Variants in TMPRSS6 observed in about 807,000 individuals in gnomAD.
TMPRSS6 encodes transmembrane protease serine 6.
Under a neutral mutation model 101.5 loss-of-function variants are expected in TMPRSS6, and 67 were observed. The ratio of observed to expected loss-of-function variants is 0.66; its 90% CI spans 0.54 to 0.81. The LOEUF (loss-of-function observed/expected upper bound fraction) is 0.81, where lower values mean the gene tolerates loss of function less well. Ranked by LOEUF, TMPRSS6 falls within the 30% of genes least tolerant of loss-of-function variation. TMPRSS6 has a pLI of 0.00. For missense variants in TMPRSS6, 1,034 were observed against 1,088.7 expected (o/e 0.95, Z 0.71); for synonymous variants, 453 against 464.9 (o/e 0.97, Z 0.33).
chr22:37,099,171 A>C (rs2070717345), intron 2 of TMPRSS6, among the ~76,000 whole-genome samples: 1 of 152,218 alleles, frequency 6.6e-6, no homozygotes, highest in Non-Finnish European at 1.5e-5. Context: ...GTGACCCTCC[A>C]GCTGAGATGT....
At chr22:37,084,503 G>A in intron 9 of TMPRSS6, 99 bp from the exon 10 acceptor site, 2 of 968,512 alleles carry the variant, frequency 2.1e-6, no homozygotes, top group Non-Finnish European at 3.2e-6. Context: ...CAGAATCCCA[G>A]GTGGGGCTAA....
chr22:37,095,160 C>G (rs1481727043), intron 6 of TMPRSS6, among the ~76,000 whole-genome samples: 1 of 152,114 alleles, frequency 6.6e-6, no homozygotes, highest in Admixed American at 6.6e-5. Flanking sequence ...AGTTTTAAAA[C>G]CAACGTGACT....
Position 37,103,522 on chromosome 22 carries a change from G to A in TMPRSS6, c.-1-104C>T. ...AAGCAGGACTTCCCTGCCTTTTGGA[G>A]TGGAAGAGTAACAACATCAGGCGGC... On this transcript the variant is annotated intron_variant, in intron 1 of 17. Coordinates refer to ENST00000676104, the MANE Select transcript of TMPRSS6 (RefSeq NM_001374504.1). This position sits in a 1 kb window ranked among gnomAD's most constrained non-coding sequence, Gnocchi z 4.4. The A allele has an allele frequency of 1.2e-6, 2 of 1,614,154 alleles. No homozygotes were observed. The highest frequency in any genetic ancestry group is 1.6e-4 in the Middle Eastern group (1 of 6,062).
chr22:37,072,480 T>TGGAG (rs1568999360), intron 13 of TMPRSS6, among the ~76,000 whole-genome samples: 5 of 88,204 alleles, frequency 5.7e-5, no homozygotes, highest in African/African-American at 9.4e-5. Context: ...GATGGATGGA[T>TGGAG]GGATGATGGA....
intron 16 of TMPRSS6, 124 bp downstream of exon 16, chr22:37,068,949 A>T: frequency 4.8e-6 from 7 of 1,447,358 alleles, no homozygotes; most frequent in Non-Finnish European, 6.4e-6. Context: ...TTTGAATCCC[A>T]GCACTAGAGG....
Position 37,069,093 on chromosome 22 carries a change from C to A in TMPRSS6, c.2093G>T (p.Trp698Leu). ...EPGLHCWITG[W>L]GALREGGPIS... is the part of the protein sequence containing the mutation. ...CTCACCGCCCTCGCGCAAGGCGCCC[C>A]AGCCCGTAATCCAGCAGTGCAGGCC... The change falls in exon 16 of 18, where the codon TGG (tryptophan) becomes TTG (leucine). Residue 698 changes from tryptophan to leucine, a missense_variant. Coordinates refer to ENST00000676104, the MANE Select transcript of TMPRSS6 (RefSeq NM_001374504.1). This position sits in a 1 kb window ranked among gnomAD's most constrained non-coding sequence, Gnocchi z 4.8. 1 of 1,548,068 alleles carries A rather than the reference C, an allele frequency of 6.5e-7. No homozygotes were observed.
In TMPRSS6 at chr22:37,095,924, C is replaced by G. The variant is rs377600983; in HGVS notation, c.571G>C (p.Glu191Gln). Reference sequence around the variant, plus strand: ...TACTGACCCAGGATCACTAGGCCCTCGGGGTCCACTTCGTACTCGGCCCTG... The same window carrying G: ...TACTGACCCAGGATCACTAGGCCCTGGGGGTCCACTTCGTACTCGGCCCTG... ...PYRAEYEVDP[E>Q]GLVILEASVK... is the part of the protein sequence containing the mutation. The change falls in exon 5 of 18, where the codon GAG (glutamate) becomes CAG (glutamine). Residue 191 changes from glutamate (E) to glutamine (Q), a missense_variant. Physicochemically the swap from Glu to Gln is conservative, Grantham distance 29. Coordinates refer to ENST00000676104, the MANE Select transcript of TMPRSS6 (RefSeq NM_001374504.1). 26 of 1,614,006 alleles carry G rather than the reference C, an allele frequency of 1.6e-5. No individual in the cohort carries two copies. The East Asian group carries it at 2.7e-4, about 17-fold the overall frequency.
rs137863658 is a variant in TMPRSS6 at position 37,074,520 on chromosome 22, A to C, written c.1441+90T>G. On this transcript the variant is annotated intron_variant, in intron 12 of 17. Transcript: ENST00000676104. The stretch of plus-strand genomic sequence containing the variant: ...GCTCATAATGGAAGCTGCATGTAGA[A>C]GTGGGGTCTCCACTCAGCTCAGAGC... 3.1e-5 allele frequency: 38 copies of C among 1,213,950 alleles called. No homozygotes were observed. In the African/African-American group the frequency reaches 4.5e-4, roughly 14 times the overall value. 75.2% of individuals were successfully genotyped at this position (1,213,950 alleles called of 1,614,324 possible). A position where few individuals can be genotyped will look rare whatever the true frequency, so the allele number is the denominator to read the frequency against.
At chr22:37,072,818 T>TGGAG (rs1927223758) in intron 13 of TMPRSS6, among the ~76,000 whole-genome samples, 1 of 127,340 alleles carries the variant, frequency 7.9e-6, no homozygotes, top group African/African-American at 3.2e-5. Flanking sequence ...GGATGGATGA[T>TGGAG]GGATGGATGG....
At position 37,069,366 on chromosome 22, in the gene TMPRSS6, TGG is replaced by T; in HGVS notation, c.1842-24_1842-23del. The stretch of plus-strand genomic sequence containing the variant: ...CATGCTGGGGTGGGGTGGGGTGGGG[TGG>T]GGTGGGGTGAGGTGAGGTGGGAGGA... On this transcript the variant is annotated intron_variant, in intron 15 of 17. Transcript: ENST00000676104. The surrounding 1 kb of genome is among the most constrained non-coding windows in gnomAD (Gnocchi z 4.8). 3.9e-5 allele frequency: 4 copies of T among 101,348 alleles called. No homozygotes were observed. Among genetic ancestry groups the T allele is most frequent in the South Asian group, 7.2e-5 (1 of 13,970 alleles). 6.3% of individuals were successfully genotyped at this position (101,348 alleles called of 1,614,324 possible). A position where few individuals can be genotyped will look rare whatever the true frequency, so the allele number is the denominator to read the frequency against.
chr22:37,099,582 G>A (rs1452514342), intron 2 of TMPRSS6, among the ~76,000 whole-genome samples: 2 of 152,176 alleles, frequency 1.3e-5, no homozygotes, highest in Non-Finnish European at 2.9e-5. Flanking sequence ...GGGACTATAT[G>A]AGCAAAACAA....
intron 10 of TMPRSS6, chr22:37,082,665 G>A (rs2146097581): frequency 3.2e-6 from 1 of 311,436 alleles, no homozygotes. Flanking sequence ...AGACAGCACA[G>A]GCCTGACATC....
chr22:37,086,413 G>A lies in TMPRSS6; in HGVS notation c.843C>T (p.Tyr281=), dbSNP rs529404608. The A allele has an allele frequency of 1.1e-4, 167 of 1,583,454 alleles. No homozygotes were observed. The highest frequency in any genetic ancestry group is 6.7e-4 in the Middle Eastern group (4 of 6,012). ...CCACGGGCTCCTGGCGGCTGCAGCC[G>A]TACACCCTGGCAGAACAGAAAGGTG... is the stretch of plus-strand genomic sequence containing the variant. ...PLEKRLITSV[Y]GCSRQEPVVE... The change falls in exon 8 of 18, where the codon TAC becomes TAT. Residue 281 remains tyrosine (Y), a synonymous_variant. Coordinates refer to ENST00000676104, the MANE Select transcript of TMPRSS6 (RefSeq NM_001374504.1).
At chr22:37,084,469 C>G in intron 9 of TMPRSS6, 65 bp from the exon 10 acceptor site, 1 of 1,179,404 alleles carries the variant, frequency 8.5e-7, no homozygotes, top group Non-Finnish European at 1.2e-6. Flanking sequence ...AACCCACCTC[C>G]CTAACAACAA....
At position 37,084,326 on chromosome 22, in the gene TMPRSS6, T is replaced by C. The variant is rs1928508368; in HGVS notation, c.1165A>G (p.Thr389Ala). 1 of 1,613,522 alleles carries C rather than the reference T, an allele frequency of 6.2e-7. No homozygotes were observed. Among genetic ancestry groups the C allele is most frequent in the African/African-American group, 1.3e-5 (1 of 74,840 alleles). ...LRRQKYDLPC[T>A]QGQWTIQNRR... ...TTCTGGATCGTCCACTGGCCCTGGG[T>C]GCACGGCAAATCATACTTCTGCCTC... Residue 389 changes from threonine (T) to alanine (A), a missense_variant, in exon 10 of 18, where the codon ACC (threonine) becomes GCC (alanine). Transcript: ENST00000676104.
intron 10 of TMPRSS6, among the ~76,000 whole-genome samples, chr22:37,078,541 C>G (rs1259539522): frequency 6.6e-6 from 1 of 152,136 alleles, no homozygotes; most frequent in Non-Finnish European, 1.5e-5. Flanking sequence ...GAGAGGAATT[C>G]AAGGCAGCGG....
intron 4 of TMPRSS6, 101 bp downstream of exon 4, chr22:37,096,546 AT>A: frequency 6.0e-6 from 8 of 1,326,546 alleles, no homozygotes; most frequent in Non-Finnish European, 8.5e-6. Context: ...TAGTTTCCCC[AT>A]TTGAAACATG....
At chr22:37,079,563 G>A (rs1928097659) in intron 10 of TMPRSS6, among the ~76,000 whole-genome samples, 1 of 152,216 alleles carries the variant, frequency 6.6e-6, no homozygotes, top group South Asian at 2.1e-4. Flanking sequence ...GGCAAGTGCT[G>A]AAGAGGGGAG....
chr22:37,077,241 GC>G (rs1302047254), intron 10 of TMPRSS6, among the ~76,000 whole-genome samples: 2 of 152,204 alleles, frequency 1.3e-5, no homozygotes, highest in African/African-American at 4.8e-5. Context: ...CCAAGGTGGA[GC>G]CAGAATCTTG....
Sources: gnomAD v4.1 joint callset for allele counts (sites outside exome capture counted in the v4.1 genomes callset) on GRCh38, gnomAD v4.1.1 for gene constraint, Gnocchi (gnomAD v3.1) non-coding constraint, MANE v1.5 for transcripts, NCBI Gene and HGNC (gene_info 2026-07-23, HGNC 2026-07-21) for gene names.